The following SCFD2 variants were observed in gnomAD, a reference collection of about 807,000 sequenced individuals.
SCFD2 encodes sec1 family domain-containing protein 2.
A neutral mutation model predicts 58.9 loss-of-function variants in SCFD2; 54 were observed. That is an observed-to-expected ratio of 0.92 (90% CI 0.74 to 1.15). The LOEUF (loss-of-function observed/expected upper bound fraction) is 1.15. Ranked by LOEUF, SCFD2 falls within the 50% of genes most tolerant of loss-of-function variation. The pLI, the probability that SCFD2 is intolerant of heterozygous loss-of-function variation, is 0.00. For synonymous variants in SCFD2, 321 were observed against 335.9 expected, an observed-to-expected ratio of 0.96 and a Z score of 0.49; for missense variants, 805 against 836.6, an observed-to-expected ratio of 0.96 and a Z score of 0.47.
intron 6 of SCFD2, among the ~76,000 whole-genome samples, chr4:52,917,156 C>T (rs1474417335): frequency 6.6e-6 from 1 of 152,170 alleles, no homozygotes; most frequent in Non-Finnish European, 1.5e-5. Context: ...ATTCTTTCAC[C>T]TCAGCCTCCC....
At chr4:52,890,818 G>C (rs900084682) in intron 7 of SCFD2, among the ~76,000 whole-genome samples, 3 of 152,118 alleles carry the variant, frequency 2.0e-5, no homozygotes, top group African/African-American at 7.2e-5. Flanking sequence ...AGAGCTCTTT[G>C]ATGTGTTGAT....
intron 5 of SCFD2, among the ~76,000 whole-genome samples, chr4:53,090,400 C>A (rs1002511718): frequency 4.6e-5 from 7 of 152,120 alleles, no homozygotes; most frequent in Non-Finnish European, 1.0e-4. Context: ...GGAGGGGACA[C>A]CTCTTCTGGA....
At chr4:52,988,244 T>C (rs755588173) in intron 5 of SCFD2, among the ~76,000 whole-genome samples, 6 of 152,128 alleles carry the variant, frequency 3.9e-5, no homozygotes, top group Admixed American at 1.3e-4. Flanking sequence ...TGACATGGAG[T>C]TGGACTTACA....
intron 1 of SCFD2, among the ~76,000 whole-genome samples, chr4:53,359,743 T>C (rs933717751): frequency 1.3e-5 from 2 of 152,216 alleles, no homozygotes; most frequent in African/African-American, 4.8e-5. Flanking sequence ...CCCAGCTCCC[T>C]AAGCTTGCTG....
intron 4 of SCFD2, among the ~76,000 whole-genome samples, chr4:53,150,442 T>C (rs1470130774): frequency 4.6e-5 from 7 of 152,180 alleles, no homozygotes; most frequent in Non-Finnish European, 1.0e-4. Context: ...CCTAGTGCTA[T>C]CCATAAAAGC....
chr4:53,124,160 C>T (rs74493537), intron 5 of SCFD2, among the ~76,000 whole-genome samples: 3,235 of 152,254 alleles, frequency 0.021, 71 homozygotes, highest in East Asian at 0.11. Flanking sequence ...TGGTTTGGTG[C>T]TATATCTGGT....
intron 5 of SCFD2, among the ~76,000 whole-genome samples, chr4:53,015,561 CTT>C (rs1204501409): frequency 6.6e-6 from 1 of 152,172 alleles, no homozygotes; most frequent in East Asian, 1.9e-4. Flanking sequence ...TCAGATAAGA[CTT>C]TGAAAACTTA....
intron 5 of SCFD2, among the ~76,000 whole-genome samples, chr4:53,032,864 T>C (rs1173728313): frequency 1.3e-5 from 2 of 152,086 alleles, no homozygotes; most frequent in South Asian, 2.1e-4. Flanking sequence ...CACACAATAA[T>C]AGTAGGAGAC....
At chr4:53,219,108 C>G (rs993242105) in intron 4 of SCFD2, among the ~76,000 whole-genome samples, 1 of 152,202 alleles carries the variant, frequency 6.6e-6, no homozygotes, top group Admixed American at 6.5e-5. Context: ...AGGAGGCAGT[C>G]TGTCTGTTCT....
intron 4 of SCFD2, among the ~76,000 whole-genome samples, chr4:53,173,705 T>C (rs1490763315): frequency 2.0e-5 from 3 of 152,182 alleles, no homozygotes; most frequent in Admixed American, 2.0e-4. Flanking sequence ...TAGTTTCCTC[T>C]AGTGGTATGC....
chr4:52,913,934 A>G (rs578099247), intron 6 of SCFD2, among the ~76,000 whole-genome samples: 1 of 152,364 alleles, frequency 6.6e-6, no homozygotes, highest in African/African-American at 2.4e-5. Context: ...TGTTTGCTAC[A>G]GAAGAAAAGG....
intron 4 of SCFD2, among the ~76,000 whole-genome samples, chr4:53,197,613 C>G (rs1728097002): frequency 6.6e-6 from 1 of 151,840 alleles, no homozygotes; most frequent in African/African-American, 2.4e-5. Flanking sequence ...GTCTGTCCAA[C>G]AATCTGATAC....
chr4:53,348,769 C>T (rs1025179551), intron 2 of SCFD2, among the ~76,000 whole-genome samples: 1 of 151,202 alleles, frequency 6.6e-6, no homozygotes, highest in African/African-American at 2.4e-5. Context: ...GGCTGGAGTG[C>T]CATGGCCCAA....
intron 5 of SCFD2, among the ~76,000 whole-genome samples, chr4:52,997,490 C>T (rs375411764): frequency 2.6e-5 from 4 of 152,326 alleles, no homozygotes; most frequent in Admixed American, 6.5e-5. Flanking sequence ...GTGGGGGGCC[C>T]ACTTTGGAGT....
chr4:53,125,394 A>G (rs1439471847), intron 5 of SCFD2, among the ~76,000 whole-genome samples: 1 of 152,212 alleles, frequency 6.6e-6, no homozygotes, highest in East Asian at 1.9e-4. Context: ...TATAAGAGTA[A>G]CATTTTATTT....
At chr4:52,875,672 GAAGA>G (rs1469246958) in intron 8 of SCFD2, among the ~76,000 whole-genome samples, 1 of 151,462 alleles carries the variant, frequency 6.6e-6, no homozygotes. Context: ...AGTAGAAGAG[GAAGA>G]GAGAAGGAAG....
intron 2 of SCFD2, among the ~76,000 whole-genome samples, chr4:53,342,811 A>T (rs983274547): frequency 6.6e-6 from 1 of 152,190 alleles, no homozygotes. Flanking sequence ...AACTCACTCA[A>T]AACCGCTCAA....
intron 5 of SCFD2, among the ~76,000 whole-genome samples, chr4:52,974,753 T>A (rs1211203765): frequency 3.3e-5 from 5 of 152,028 alleles, no homozygotes; most frequent in Non-Finnish European, 7.4e-5. Context: ...GGCATCACAC[T>A]ACCTGACTTC....
At chr4:53,026,319 T>C (rs1189741142) in intron 5 of SCFD2, among the ~76,000 whole-genome samples, 1 of 152,202 alleles carries the variant, frequency 6.6e-6, no homozygotes, top group Non-Finnish European at 1.5e-5. Context: ...ATTAGAGGCA[T>C]AACTTAATTA....
Sources: allele counts gnomAD v4.1 joint callset (sites outside exome capture counted in the v4.1 genomes callset), GRCh38; gene constraint gnomAD v4.1.1; transcripts MANE v1.5; gene names NCBI Gene and HGNC (gene_info 2026-07-23, HGNC 2026-07-21).